Variants in NOS1 observed in about 807,000 individuals in gnomAD.
NOS1 encodes the protein nitric oxide synthase 1.
NOS1 carries 51 observed loss-of-function variants against 164.5 expected under a neutral mutation model. That is an observed-to-expected ratio of 0.31 (90% CI 0.25 to 0.39). NOS1 has a LOEUF of 0.39. NOS1 is among the 10% of genes least tolerant of loss of function. The pLI is 1.00. For missense variants in NOS1, 1,362 were observed against 1,885.6 expected, an observed-to-expected ratio of 0.72 and a Z score of 5.14; for synonymous variants, 719 against 745.8, an observed-to-expected ratio of 0.96 and a Z score of 0.59.
intron 4 of NOS1, 145 bp downstream of exon 4, chr12:117,290,153 A>C (rs1368573920): frequency 2.3e-6 from 2 of 852,282 alleles, no homozygotes; most frequent in Non-Finnish European, 3.4e-6. Context: ...AAGGGGGCGT[A>C]CTGACATCTA....
intron 20 of NOS1, among the ~76,000 whole-genome samples, chr12:117,236,588 CTT>C (rs1331046829): frequency 6.6e-6 from 1 of 152,180 alleles, no homozygotes; most frequent in African/African-American, 2.4e-5. Flanking sequence ...TCACACCAGT[CTT>C]TGGTTCCTGG....
intron 28 of NOS1, among the ~76,000 whole-genome samples, chr12:117,217,832 T>C (rs1324851995): frequency 1.3e-5 from 2 of 152,146 alleles, no homozygotes; most frequent in African/African-American, 2.4e-5. Context: ...CCCTGGAGAA[T>C]TAGTTAAAAG....
At chr12:117,344,383 AT>A (rs1342988115) in intron 1 of NOS1, among the ~76,000 whole-genome samples, 1 of 152,202 alleles carries the variant, frequency 6.6e-6, no homozygotes, top group African/African-American at 2.4e-5. Context: ...AACTTTTTCA[AT>A]TTCGTACAGT....
intron 27 of NOS1, among the ~76,000 whole-genome samples, chr12:117,219,385 C>T (rs975880006): frequency 6.6e-6 from 1 of 152,014 alleles, no homozygotes; most frequent in Admixed American, 6.6e-5. Context: ...TGGCTCACTG[C>T]AAACTCCACC....
At chr12:117,332,756 T>C (rs1875608988) in intron 1 of NOS1, among the ~76,000 whole-genome samples, 1 of 152,064 alleles carries the variant, frequency 6.6e-6, no homozygotes, top group Admixed American at 6.6e-5. Flanking sequence ...TCCCAGCTAC[T>C]CAGGAGGCTG....
rs1956561274 is a variant in NOS1 at position 117,213,665 on chromosome 12, T to C, written c.*1644A>G. On this transcript the variant is annotated 3_prime_UTR_variant, in exon 29 of 29. Transcript: ENST00000317775. ...GACACCCAAACTGAACAACAAGATA[T>C]GCCCACGTACAGTATATAAAAGAAA... 1.0e-6 allele frequency: 1 copy of C among 985,454 alleles called. No individual in the cohort carries two copies. Among genetic ancestry groups the C allele is most frequent in the South Asian group, 4.7e-5 (1 of 21,282 alleles). 61.0% of individuals were successfully genotyped at this position (985,454 alleles called of 1,614,324 possible). A position where few individuals can be genotyped will look rare whatever the true frequency, so the allele number is the denominator to read the frequency against.
At chr12:117,309,741 G>T (rs1196908095) in intron 3 of NOS1, among the ~76,000 whole-genome samples, 1 of 152,172 alleles carries the variant, frequency 6.6e-6, no homozygotes, top group East Asian at 1.9e-4. Flanking sequence ...GAACAGATTG[G>T]CAGAGACTAA....
chr12:117,284,326 C>T (rs1195275815), intron 7 of NOS1, among the ~76,000 whole-genome samples: 2 of 152,166 alleles, frequency 1.3e-5, no homozygotes, highest in Non-Finnish European at 2.9e-5. Flanking sequence ...CCCAGCTGTT[C>T]ATTTCCACCT....
chr12:117,243,638 C>T lies in NOS1; in HGVS notation c.2824-203G>A, dbSNP rs41390845. ...TCTTCCTTCCCTTCCTTTCTTCCCT[C>T]TACCCTTTCGTTGTCTTCCTTCCAT... On this transcript the variant is annotated intron_variant, in intron 18 of 28. Transcript: ENST00000317775. The surrounding 1 kb of genome is among the most constrained non-coding windows in gnomAD (Gnocchi z 4.3). Among the ~76,000 whole-genome samples the T allele has an allele frequency of 8.6e-3, 1,303 of 151,490 alleles. 21 individuals carry two copies. Among genetic ancestry groups the T allele is most frequent in the African/African-American group, 0.03 (1,245 of 41,220 alleles).
At chr12:117,231,180 G>A (rs1869181444) in intron 22 of NOS1, among the ~76,000 whole-genome samples, 1 of 152,070 alleles carries the variant, frequency 6.6e-6, no homozygotes, top group Non-Finnish European at 1.5e-5. Context: ...AGCTGGCCAT[G>A]GTGGAAGGCA....
At chr12:117,286,709 G>A (rs1874146299) in intron 5 of NOS1, among the ~76,000 whole-genome samples, 1 of 152,062 alleles carries the variant, frequency 6.6e-6, no homozygotes, top group African/African-American at 2.4e-5. Context: ...TGGTATACAG[G>A]ATAATATAAT....
At chr12:117,315,552 T>A (rs565295036) in intron 2 of NOS1, among the ~76,000 whole-genome samples, 100 of 152,326 alleles carry the variant, frequency 6.6e-4, no homozygotes, top group Non-Finnish European at 8.1e-4. Flanking sequence ...GAAGGAGATT[T>A]AGTTCGATTC....
chr12:117,285,220 G>A (rs1278754123), intron 7 of NOS1, 21 bp downstream of exon 7: 1 of 1,587,606 alleles, frequency 6.3e-7, no homozygotes, highest in Admixed American at 1.7e-5. Context: ...CTGCTCCCCA[G>A]TGCCCAGCTG....
At chr12:117,324,172 C>T (rs1875125354) in intron 2 of NOS1, among the ~76,000 whole-genome samples, 1 of 152,126 alleles carries the variant, frequency 6.6e-6, no homozygotes, top group Non-Finnish European at 1.5e-5. Flanking sequence ...AGTCTTTTAC[C>T]TCTCTGAGCC....
In NOS1 at chr12:117,272,697, A is replaced by G. The variant is rs1872882491; in HGVS notation, c.1665-138T>C. ...ATATGGTTCCTGGGCCCTGCTTCAG[A>G]TCTGTGGAATTGCAGGTTCTGCAGC... is the stretch of plus-strand genomic sequence containing the variant. On this transcript the variant is annotated intron_variant, in intron 9 of 28. Coordinates refer to ENST00000317775, the MANE Select transcript of NOS1 (RefSeq NM_000620.5). The surrounding 1 kb of genome is among the most constrained non-coding windows in gnomAD (Gnocchi z 4.3). The G allele has an allele frequency of 2.7e-6, 2 of 750,572 alleles. No individual in the cohort carries two copies. The highest frequency in any genetic ancestry group is 4.2e-6 in the Non-Finnish European group (2 of 471,212). 46.5% of individuals were successfully genotyped at this position (750,572 alleles called of 1,614,324 possible).
intron 1 of NOS1, among the ~76,000 whole-genome samples, chr12:117,360,712 A>G (rs1340899770): frequency 1.3e-5 from 2 of 152,306 alleles, no homozygotes; most frequent in Middle Eastern, 3.4e-3. Flanking sequence ...AGACTCCGCC[A>G]TTACCTGCGG....
At chr12:117,322,172 T>A in intron 2 of NOS1, among the ~76,000 whole-genome samples, 1 of 106,812 alleles carries the variant, frequency 9.4e-6, no homozygotes, top group Admixed American at 9.2e-5. Context: ...TTCCTTCTTT[T>A]TCCTTCCTTC....
rs1874799740 is a variant in NOS1 at position 117,319,211 on chromosome 12, C to A, written c.726-7619G>T. Among the ~76,000 whole-genome samples, 4 of 149,152 alleles carry A rather than the reference C, an allele frequency of 2.7e-5. No homozygotes were observed. The South Asian group carries it at 8.8e-4, about 33-fold the overall frequency. ...GGATTATAGGCATGCACCACCATCC[C>A]TGACTAGTTTTTAAAATTTTTTGTA... On this transcript the variant is annotated intron_variant, in intron 2 of 28. Coordinates refer to ENST00000317775, the MANE Select transcript of NOS1 (RefSeq NM_000620.5).
rs1043336939 is a variant in NOS1, at chr12:117,272,109, A to G, written c.1839+276T>C. ...TGTCGAAGGGGGATTCTCATACCTC[A>G]AGGTTCAGGTGAGGATGAAATGAGA... On this transcript the variant is annotated intron_variant, in intron 10 of 28. Transcript: ENST00000317775. This position sits in a 1 kb window ranked among gnomAD's most constrained non-coding sequence, Gnocchi z 4.3. Among the ~76,000 whole-genome samples the G allele has an allele frequency of 2.6e-5, 4 of 152,132 alleles. No individual in the cohort carries two copies. The highest frequency in any genetic ancestry group is 5.9e-5 in the Non-Finnish European group (4 of 68,026).
Sources: allele counts gnomAD v4.1 joint callset (sites outside exome capture counted in the v4.1 genomes callset), GRCh38; gene constraint gnomAD v4.1.1; non-coding constraint Gnocchi (gnomAD v3.1); transcripts MANE v1.5; gene names NCBI Gene and HGNC (gene_info 2026-07-23, HGNC 2026-07-21).